Variants in PAK1 observed in about 807,000 individuals in gnomAD.
PAK1 encodes the protein serine/threonine-protein kinase PAK 1.
A neutral mutation model predicts 67.4 loss-of-function variants in PAK1; 29 were observed. The observed-to-expected ratio is 0.43, with a 90% CI of 0.32 to 0.59. PAK1 has a LOEUF of 0.59. Ranked by LOEUF, PAK1 falls within the 20% of genes least tolerant of loss-of-function variation. The pLI, the probability that PAK1 is intolerant of heterozygous loss-of-function variation, is 0.07. For synonymous variants in PAK1, 223 were observed against 237.4 expected (o/e 0.94, Z 0.56); for missense variants, 337 against 670.7 (o/e 0.50, Z 5.50).
chr11:77,423,527 GCAATTCATGAC>G (rs1215865971), intron 1 of PAK1, among the ~76,000 whole-genome samples: 1 of 151,716 alleles, frequency 6.6e-6, no homozygotes, highest in Non-Finnish European at 1.5e-5. Flanking sequence ...TCCATGCTTT[GCAATTCATGAC>G]CAAATTTTGC....
rs996799575 is a variant in PAK1, at chr11:77,473,907, G to A, written c.-377C>T. ...CGGGGCTCCGTGGAAAAGGGAATGAGAGTCCAAGGGGGAAGGCGTCTGTGG... is the reference window on the plus strand; with the variant it reads ...CGGGGCTCCGTGGAAAAGGGAATGAAAGTCCAAGGGGGAAGGCGTCTGTGG... On this transcript the variant is annotated 5_prime_UTR_variant, in exon 1 of 15. Transcript: ENST00000356341. The A allele has an allele frequency of 1.3e-5, 2 of 151,870 alleles. No homozygotes were observed. The highest frequency in any genetic ancestry group is 2.9e-5 in the Non-Finnish European group (2 of 68,188). The allele number at this position is 151,870 out of a possible 1,614,324, so 9.4% of individuals were successfully genotyped here. A position where few individuals can be genotyped will look rare whatever the true frequency, so the allele number is the denominator to read the frequency against.
In PAK1 at chr11:77,323,226, T is replaced by C; in HGVS notation, c.*48A>G. The C allele has an allele frequency of 1.2e-6, 2 of 1,613,090 alleles. No homozygotes were observed. The highest frequency in any genetic ancestry group is 1.1e-5 in the South Asian group (1 of 90,914). On this transcript the variant is annotated 3_prime_UTR_variant, in exon 15 of 15. Transcript: ENST00000356341. ...GGAGTTGGAATTTCTGAAATGTGCA[T>C]TTATCTCACAGAAGGCTTGGCACAA...
chr11:77,461,654 T>G (rs1206294153), intron 1 of PAK1, among the ~76,000 whole-genome samples: 1 of 152,194 alleles, frequency 6.6e-6, no homozygotes, highest in Non-Finnish European at 1.5e-5. Context: ...TACATGTATG[T>G]TTATGTATGT....
At position 77,340,352 on chromosome 11, in the gene PAK1, G is replaced by A. The variant is rs558962142; in HGVS notation, c.1116+294C>T. Among the ~76,000 whole-genome samples the A allele has an allele frequency of 1.6e-4, 24 of 152,210 alleles. No homozygotes were observed. In the South Asian group the frequency reaches 5.0e-3, roughly 32 times the overall value. ...AAGAGATAAAGGAATATATTATAAC[G>A]TGCTTAGGCAAGTGGTTATCTCTAA... On this transcript the variant is annotated intron_variant, in intron 11 of 14. Transcript: ENST00000356341.
At chr11:77,331,399 C>T (rs1051019029) in intron 14 of PAK1, among the ~76,000 whole-genome samples, 5 of 152,072 alleles carry the variant, frequency 3.3e-5, no homozygotes, top group Admixed American at 2.0e-4. Context: ...TGTCCAACAA[C>T]GATAGACTGG....
intron 1 of PAK1, among the ~76,000 whole-genome samples, chr11:77,445,452 A>G (rs1212806525): frequency 2.6e-5 from 4 of 152,224 alleles, no homozygotes; most frequent in Admixed American, 2.6e-4. Flanking sequence ...TATATATCCT[A>G]CATTCTTAAT....
rs141917135 is a variant in PAK1, at chr11:77,461,590, T to C, written c.-22+11962A>G. Among the ~76,000 whole-genome samples, 12 of 152,270 alleles carry C rather than the reference T, an allele frequency of 7.9e-5. No homozygotes were observed. The East Asian group carries it at 1.5e-3, about 20-fold the overall frequency. On this transcript the variant is annotated intron_variant, in intron 1 of 14. Coordinates refer to ENST00000356341, the MANE Select transcript of PAK1 (RefSeq NM_002576.5). ...AAAGAGTAACATGCGGGAATGTGTA[T>C]AAGTCAAGAAAAAAGGGCAAACAAC...
intron 14 of PAK1, among the ~76,000 whole-genome samples, chr11:77,327,636 A>C (rs1435800815): frequency 1.3e-5 from 2 of 152,248 alleles, no homozygotes; most frequent in East Asian, 1.9e-4. Context: ...TGAAGGAAGC[A>C]CTAAACATGG....
At chr11:77,401,933 C>T (rs1952751673) in intron 1 of PAK1, among the ~76,000 whole-genome samples, 1 of 152,174 alleles carries the variant, frequency 6.6e-6, no homozygotes, top group Non-Finnish European at 1.5e-5. Flanking sequence ...TATCCCTAGG[C>T]TGAGCTGGTA....
intron 5 of PAK1, among the ~76,000 whole-genome samples, chr11:77,359,759 G>A (rs2136608410): frequency 6.6e-6 from 1 of 152,176 alleles, no homozygotes; most frequent in East Asian, 1.9e-4. Context: ...AGGTTTTAGG[G>A]CAGGTCCAGG....
At chr11:77,508,826 AT>A in the PAK1 span, among the ~76,000 whole-genome samples, 1 of 150,490 alleles carries the variant, frequency 6.6e-6, no homozygotes, top group Non-Finnish European at 1.5e-5. Flanking sequence ...TGCCCGGCTA[AT>A]TTTTTTGTAT....
chr11:77,516,795 G>T, the PAK1 span, among the ~76,000 whole-genome samples: 1 of 133,160 alleles, frequency 7.5e-6, no homozygotes, highest in African/African-American at 2.9e-5. Context: ...CTGAGCTCAG[G>T]AATTCAAGAC....
chr11:77,365,065 G>A (rs1353465200), intron 5 of PAK1, among the ~76,000 whole-genome samples: 1 of 151,828 alleles, frequency 6.6e-6, no homozygotes, highest in Non-Finnish European at 1.5e-5. Flanking sequence ...TGGCCAATAT[G>A]GTGAAACCCC....
At chr11:77,380,713 T>C (rs933116251) in intron 2 of PAK1, among the ~76,000 whole-genome samples, 1 of 152,200 alleles carries the variant, frequency 6.6e-6, no homozygotes, top group African/African-American at 2.4e-5. Context: ...TTATCTTCCA[T>C]ACCAGACTGA....
At chr11:77,523,283 A>G in the PAK1 span, among the ~76,000 whole-genome samples, 1 of 152,234 alleles carries the variant, frequency 6.6e-6, no homozygotes, top group Non-Finnish European at 1.5e-5. Context: ...AAAATATATA[A>G]TATCTCAGAT....
chr11:77,358,820 T>C, intron 6 of PAK1, 78 bp downstream of exon 6: 2 of 1,417,096 alleles, frequency 1.4e-6, no homozygotes, highest in Non-Finnish European at 9.9e-7. Context: ...ATTAAACTTC[T>C]AGGTATCAGC....
At chr11:77,520,000 T>TA in the PAK1 span, among the ~76,000 whole-genome samples, 2 of 139,284 alleles carry the variant, frequency 1.4e-5, no homozygotes, top group South Asian at 5.7e-4. Context: ...CCCTGGCCTG[T>TA]GGCCCCCCCC....
At chr11:77,354,072 A>G (rs1167717208) in intron 7 of PAK1, among the ~76,000 whole-genome samples, 1 of 152,156 alleles carries the variant, frequency 6.6e-6, no homozygotes, top group Non-Finnish European at 1.5e-5. Context: ...GACTGGAAAA[A>G]CTTCAGAAAG....
chr11:77,474,119 A>C (rs1372389945), upstream of PAK1: 1 of 151,566 alleles, frequency 6.6e-6, no homozygotes, highest in Non-Finnish European at 1.5e-5. Flanking sequence ...CTGACCGCCT[A>C]GTTCACTGGC....
Sources: gnomAD v4.1 joint callset for allele counts (sites outside exome capture counted in the v4.1 genomes callset) on GRCh38, gnomAD v4.1.1 for gene constraint, MANE v1.5 for transcripts, NCBI Gene and HGNC (gene_info 2026-07-23, HGNC 2026-07-21) for gene names.